APPBP2: variants seen among roughly 807,000 people sequenced by gnomAD.
The protein encoded by APPBP2 is amyloid beta precursor protein binding protein 2.
A neutral mutation model predicts 76.0 loss-of-function variants in APPBP2; 15 were observed. The observed-to-expected ratio is 0.20, with a 90% CI of 0.13 to 0.30. The LOEUF is 0.30. Ranked by LOEUF, APPBP2 falls within the 10% of genes least tolerant of loss-of-function variation. The pLI is 1.00. For synonymous variants in APPBP2, 222 were observed against 242.2 expected, an observed-to-expected ratio of 0.92 and a Z score of 0.77; for missense variants, 401 against 687.2, an observed-to-expected ratio of 0.58 and a Z score of 4.66.
intron 3 of APPBP2, among the ~76,000 whole-genome samples, 198 bp downstream of exon 3, chr17:60,494,268 G>A (rs542536381): frequency 1.1e-4 from 17 of 152,274 alleles, no homozygotes; most frequent in South Asian, 4.1e-4. Context: ...CCATCACTTC[G>A]TTGGAATGTC....
At chr17:60,459,487 C>T (rs1391704639) in intron 9 of APPBP2, 1 of 132,352 alleles carries the variant, frequency 7.6e-6, no homozygotes, top group Non-Finnish European at 1.5e-5. Context: ...GGGTTGTAGT[C>T]CCTTTTTTTT....
chr17:60,525,440 G>T (rs368754607), intron 1 of APPBP2, among the ~76,000 whole-genome samples: 3 of 152,194 alleles, frequency 2.0e-5, no homozygotes, highest in South Asian at 2.1e-4. Flanking sequence ...TAATTGGAAG[G>T]AGAGGATGGA....
At position 60,526,167 on chromosome 17, in the gene APPBP2, G is replaced by T; in HGVS notation, c.-236C>A. On this transcript the variant is annotated 5_prime_UTR_variant, in exon 1 of 13. Coordinates refer to ENST00000083182, the MANE Select transcript of APPBP2 (RefSeq NM_006380.5). ...AAAACAGCGGCCAGCCAGGCCAAAA[G>T]CGTCACAATCCCGGTTCGAGAGGAA... is the stretch of plus-strand genomic sequence containing the variant. 1.9e-6 allele frequency: 1 copy of T among 531,910 alleles called. No individual in the cohort carries two copies. Among genetic ancestry groups the T allele is most frequent in the East Asian group, 3.3e-5 (1 of 29,888 alleles). 32.9% of individuals were successfully genotyped at this position (531,910 alleles called of 1,614,324 possible). A position where few individuals can be genotyped will look rare whatever the true frequency, so the allele number is the denominator to read the frequency against.
chr17:60,517,853 G>C (rs2143499275), intron 1 of APPBP2, among the ~76,000 whole-genome samples: 1 of 152,180 alleles, frequency 6.6e-6, no homozygotes, highest in African/African-American at 2.4e-5. Context: ...GCTTTATCTT[G>C]TATTTGAATT....
chr17:60,494,321 C>T (rs1482253357), intron 3 of APPBP2, 145 bp downstream of exon 3: 2 of 753,644 alleles, frequency 2.7e-6, no homozygotes, highest in Non-Finnish European at 4.2e-6. Flanking sequence ...TAGTATAATG[C>T]TTTGGCATGG....
chr17:60,471,938 C>T lies in APPBP2; in HGVS notation c.504-5479G>A, dbSNP rs182606821. Among the ~76,000 whole-genome samples the T allele has an allele frequency of 1.2e-3, 186 of 152,224 alleles. 1 individual carries two copies. The highest frequency in any genetic ancestry group is 2.4e-3 in the Non-Finnish European group (162 of 68,010). On this transcript the variant is annotated intron_variant, in intron 4 of 12. Coordinates refer to ENST00000083182, the MANE Select transcript of APPBP2 (RefSeq NM_006380.5). ...GTCAGGAGTTCGAGACCAGCCTGGC[C>T]AACATGGCAAAACCTCGTCTCTACT...
intron 10 of APPBP2, among the ~76,000 whole-genome samples, chr17:60,455,845 T>C (rs1400418600): frequency 6.6e-6 from 1 of 152,138 alleles, no homozygotes; most frequent in Non-Finnish European, 1.5e-5. Flanking sequence ...TGGCACGATC[T>C]TGGCTCACTG....
chr17:60,468,656 G>C (rs2090528840), intron 4 of APPBP2: 1 of 152,190 alleles, frequency 6.6e-6, no homozygotes, highest in Non-Finnish European at 1.5e-5. Flanking sequence ...AGACTCTTTA[G>C]GTTCTGTGTG....
At chr17:60,482,715 G>A (rs1291531318) in intron 3 of APPBP2, among the ~76,000 whole-genome samples, 1 of 152,164 alleles carries the variant, frequency 6.6e-6, no homozygotes, top group Non-Finnish European at 1.5e-5. Context: ...AGTTTGCTCA[G>A]AATGATGGTT....
At chr17:60,507,856 T>C (rs747265873) in intron 1 of APPBP2, among the ~76,000 whole-genome samples, 14 of 152,112 alleles carry the variant, frequency 9.2e-5, no homozygotes, top group South Asian at 2.1e-4. Context: ...GGCGTGATCA[T>C]AGCTCACTGC....
intron 4 of APPBP2, among the ~76,000 whole-genome samples, chr17:60,476,376 T>C (rs1278378875): frequency 6.6e-6 from 1 of 152,208 alleles, no homozygotes; most frequent in Non-Finnish European, 1.5e-5. Flanking sequence ...TTAGTATCTG[T>C]TGTGCAAAAC....
intron 6 of APPBP2, among the ~76,000 whole-genome samples, chr17:60,463,736 T>C (rs1055017178): frequency 6.6e-6 from 1 of 152,168 alleles, no homozygotes; most frequent in African/African-American, 2.4e-5. Context: ...CAAGCCAGAA[T>C]AGCACCCAAA....
rs185184831 is a variant in APPBP2 at position 60,462,929 on chromosome 17, C to T, written c.763-868G>A. 9.3e-3 allele frequency among the ~76,000 whole-genome samples: 1,257 copies of T among 135,644 alleles called. 23 individuals are homozygous for T. The highest frequency in any genetic ancestry group is 0.035 in the African/African-American group (1,187 of 34,146). 89.0% of individuals were successfully genotyped at this position (135,644 alleles called of 152,430 possible). On this transcript the variant is annotated intron_variant, in intron 6 of 12. Transcript: ENST00000083182. ...TCGCGCCACTGCACTCCAGCCTGGG[C>T]GACAGCAAGACTCCATCTCAAAAAA... is the stretch of plus-strand genomic sequence containing the variant.
chr17:60,512,579 G>GT (rs1190723930), intron 1 of APPBP2, among the ~76,000 whole-genome samples: 1 of 151,714 alleles, frequency 6.6e-6, no homozygotes, highest in Admixed American at 6.6e-5. Context: ...GCTCACACCT[G>GT]TAATCCCAAC....
chr17:60,524,533 GA>G (rs148870173), intron 1 of APPBP2, among the ~76,000 whole-genome samples: 12,316 of 146,808 alleles, frequency 0.084, 1,669 homozygotes, highest in African/African-American at 0.29. Context: ...ATTTAGGGGG[GA>G]AACCCCACTT....
intron 1 of APPBP2, among the ~76,000 whole-genome samples, chr17:60,524,003 A>T (rs2091030373): frequency 6.6e-6 from 1 of 152,222 alleles, no homozygotes; most frequent in African/African-American, 2.4e-5. Context: ...GCACATGTTT[A>T]ACACTTCCCT....
chr17:60,510,242 A>G (rs1234693517), intron 1 of APPBP2, among the ~76,000 whole-genome samples: 1 of 151,844 alleles, frequency 6.6e-6, no homozygotes, highest in Admixed American at 6.6e-5. Flanking sequence ...CAACTCCACA[A>G]AAAATAAAAA....
At chr17:60,499,347 T>A (rs1378709192) in intron 2 of APPBP2, among the ~76,000 whole-genome samples, 19 of 143,358 alleles carry the variant, frequency 1.3e-4, no homozygotes, top group East Asian at 2.0e-4. Context: ...AAAAAAAAAA[T>A]ATGGAAAACA....
chr17:60,458,782 G>GTT (rs1555631064), intron 9 of APPBP2, among the ~76,000 whole-genome samples: 4 of 120,716 alleles, frequency 3.3e-5, no homozygotes, highest in East Asian at 2.1e-4. Context: ...TTTTTTTTTT[G>GTT]TTTTTTTTTT....
Sources: gnomAD v4.1 joint callset for allele counts (sites outside exome capture counted in the v4.1 genomes callset) on GRCh38, gnomAD v4.1.1 for gene constraint, MANE v1.5 for transcripts, NCBI Gene and HGNC (gene_info 2026-07-23, HGNC 2026-07-21) for gene names.